ADGRL1: variants seen among roughly 807,000 people sequenced by gnomAD.
ADGRL1 encodes CIRL-1.
ADGRL1 carries 31 observed loss-of-function variants against 148.9 expected under a neutral mutation model. The observed-to-expected ratio is 0.21, with a 90% CI of 0.16 to 0.28. The LOEUF (loss-of-function observed/expected upper bound fraction) is 0.28, where lower values mean the gene tolerates loss of function less well. Ranked by LOEUF, ADGRL1 falls within the 10% of genes least tolerant of loss-of-function variation. The pLI, the probability that ADGRL1 is intolerant of heterozygous loss-of-function variation, is 1.00. For missense variants in ADGRL1, 1,521 were observed against 2,058.8 expected (o/e 0.74, Z 5.05); for synonymous variants, 937 against 900.3 (o/e 1.04, Z -0.73).
Position 14,160,175 on chromosome 19 carries a change from C to T in ADGRL1, c.1737G>A (p.Leu579=). ...VKLMEQLLDI[L]DAQLQALRPI... ...GCCGCAGGGCCTGCAGCTGGGCATC[C>T]AGGATGTCCAGCAGCTGCTCCATCA... is the stretch of plus-strand genomic sequence containing the variant. Residue 579 remains leucine (L), a synonymous_variant, in exon 8 of 23, where the codon CTG becomes CTA. Coordinates refer to ENST00000361434, the MANE Select transcript of ADGRL1 (RefSeq NM_014921.5). This position sits in a 1 kb window ranked among gnomAD's most constrained non-coding sequence, Gnocchi z 5.9. 6.3e-7 allele frequency: 1 copy of T among 1,597,740 alleles called. No homozygotes were observed. Among genetic ancestry groups the T allele is most frequent in the Non-Finnish European group, 8.6e-7 (1 of 1,166,740 alleles).
chr19:14,162,996 C>T lies in ADGRL1; in HGVS notation c.805G>A (p.Glu269Lys), dbSNP rs1447944003. ...GCGTAGATGACCCACAGCCCGTTCT[C>T]GTCCACCGCCAGGTCAATGTCGGTC... ...GKTDIDLAVD[E>K]NGLWVIYATE... Residue 269 changes from glutamate (E) to lysine (K), a missense_variant, in exon 5 of 23, where the codon GAG becomes AAG. Transcript: ENST00000361434. The surrounding 1 kb of genome is among the most constrained non-coding windows in gnomAD (Gnocchi z 5.4). 1.2e-6 allele frequency: 2 copies of T among 1,614,028 alleles called. No homozygotes were observed. The highest frequency in any genetic ancestry group is 1.7e-5 in the Admixed American group (1 of 60,018).
intron 4 of ADGRL1, among the ~76,000 whole-genome samples, chr19:14,166,258 AT>A (rs1199526930): frequency 9.7e-6 from 1 of 102,890 alleles, no homozygotes; most frequent in Admixed American, 1.0e-4. Flanking sequence ...TCATTTTTTC[AT>A]TTTTTGGCAG....
Position 14,195,380 on chromosome 19 carries a change from G to T in ADGRL1, c.-96+10605C>A, listed in dbSNP as rs930559668. 3.3e-5 allele frequency among the ~76,000 whole-genome samples: 5 copies of T among 151,710 alleles called. No homozygotes were observed. The South Asian group carries it at 1.0e-3, about 31-fold the overall frequency. ...ACAGGAGGAGAAGCGGCTGCTGGGG[G>T]AGAGGGGGCGCCTCTAGCCTGCCCT... is the stretch of plus-strand genomic sequence containing the variant. On this transcript the variant is annotated intron_variant, in intron 1 of 22. Coordinates refer to ENST00000361434, the MANE Select transcript of ADGRL1 (RefSeq NM_014921.5).
At chr19:14,187,683 C>T (rs1971671761) in intron 1 of ADGRL1, among the ~76,000 whole-genome samples, 1 of 151,896 alleles carries the variant, frequency 6.6e-6, no homozygotes, top group African/African-American at 2.4e-5. Flanking sequence ...GCCACCAGCC[C>T]CTATCCGCAT....
At chr19:14,151,665 C>A (rs772191703) in intron 22 of ADGRL1, 50 bp from the exon 23 acceptor site, 1 of 1,520,424 alleles carries the variant, frequency 6.6e-7, no homozygotes, top group Non-Finnish European at 8.8e-7. Context: ...CCTGGATGCA[C>A]TAGGGGACAG....
At chr19:14,193,891 G>A (rs1450295349) in intron 1 of ADGRL1, among the ~76,000 whole-genome samples, 1 of 152,192 alleles carries the variant, frequency 6.6e-6, no homozygotes, top group African/African-American at 2.4e-5. Flanking sequence ...CTCCCAGAAG[G>A]AACCAACCCT....
rs1227353835 is a variant in ADGRL1 at position 14,170,673 on chromosome 19, A to G, written c.394+9T>C. Reference sequence around the variant, plus strand: ...GGCCCGCATCCGCACAAGGAACAAGATGACTCACTGTAGGGGACACAGTCG... The same window carrying G: ...GGCCCGCATCCGCACAAGGAACAAGGTGACTCACTGTAGGGGACACAGTCG... On this transcript the variant is annotated intron_variant, in intron 4 of 22. Transcript: ENST00000361434. 2.6e-6 allele frequency: 4 copies of G among 1,561,530 alleles called. No homozygotes were observed. Among genetic ancestry groups the G allele is most frequent in the African/African-American group, 1.4e-5 (1 of 73,802 alleles).
chr19:14,203,723 C>A (rs1361657578), intron 1 of ADGRL1, among the ~76,000 whole-genome samples: 1 of 152,222 alleles, frequency 6.6e-6, no homozygotes, highest in Non-Finnish European at 1.5e-5. Context: ...GCAGGCTCCA[C>A]AGCCCAGGTG....
chr19:14,171,540 C>T (rs2046510168), intron 3 of ADGRL1, among the ~76,000 whole-genome samples: 1 of 152,172 alleles, frequency 6.6e-6, no homozygotes, highest in South Asian at 2.1e-4. Context: ...CTTTAAAGCC[C>T]CTGCGCTGTT....
At chr19:14,200,756 C>T (rs999631418) in intron 1 of ADGRL1, among the ~76,000 whole-genome samples, 3 of 152,152 alleles carry the variant, frequency 2.0e-5, no homozygotes, top group African/African-American at 7.2e-5. Context: ...GGACGACAGG[C>T]GTGCGGCACC....
At chr19:14,151,744 C>T (rs1968221048) in intron 22 of ADGRL1, 129 bp from the exon 23 acceptor site, 2 of 871,958 alleles carry the variant, frequency 2.3e-6, no homozygotes, top group South Asian at 3.3e-5. Context: ...TTCCCCCTGC[C>T]CCCTGGATCT....
At chr19:14,171,440 G>A (rs1311089464) in intron 3 of ADGRL1, among the ~76,000 whole-genome samples, 1 of 152,122 alleles carries the variant, frequency 6.6e-6, no homozygotes, top group Admixed American at 6.5e-5. Flanking sequence ...GGAGTCACCC[G>A]CTAAACAGTG....
Position 14,151,203 on chromosome 19 carries a change from C to A in ADGRL1, c.4080G>T (p.Thr1360=). The change falls in exon 23 of 23, where the codon ACG becomes ACT. Residue 1360 remains threonine (T), a synonymous_variant. Transcript: ENST00000361434. ...QSDLDESESC[T]AEDGATSRPL... Reference sequence around the variant, plus strand: ...GCCGGCTGGTGGCGCCGTCCTCGGCCGTGCAGCTCTCCGACTCGTCCAGAT... The same window carrying A: ...GCCGGCTGGTGGCGCCGTCCTCGGCAGTGCAGCTCTCCGACTCGTCCAGAT... The A allele has an allele frequency of 1.2e-6, 2 of 1,611,458 alleles. No individual in the cohort carries two copies.
intron 1 of ADGRL1, among the ~76,000 whole-genome samples, chr19:14,203,411 C>T (rs537374470): frequency 6.6e-6 from 1 of 151,546 alleles, no homozygotes; most frequent in Non-Finnish European, 1.5e-5. Context: ...CTGCCACCCT[C>T]CCCACCGAGA....
chr19:14,191,185 C>G (rs1032005570), intron 1 of ADGRL1: 2 of 456,596 alleles, frequency 4.4e-6, no homozygotes, highest in South Asian at 1.5e-5. Flanking sequence ...TCCAGCCATG[C>G]GGGTTCCCAC....
chr19:14,170,803 A>G lies in ADGRL1; in HGVS notation c.285-12T>C. ...TGCGGTTGTTACACCTTCAGAGGAG[A>G]AACAGGGCATTGGGAAAGAAACACA... On this transcript the variant is annotated splice_polypyrimidine_tract_variant and intron_variant, in intron 3 of 22. Transcript: ENST00000361434. The G allele has an allele frequency of 1.4e-6, 2 of 1,420,534 alleles. No homozygotes were observed. Among genetic ancestry groups the G allele is most frequent in the Non-Finnish European group, 2.0e-6 (2 of 1,006,304 alleles). 88.0% of individuals were successfully genotyped at this position (1,420,534 alleles called of 1,614,324 possible).
At chr19:14,171,136 C>T (rs901058167) in intron 3 of ADGRL1, 11 of 209,978 alleles carry the variant, frequency 5.2e-5, no homozygotes, top group African/African-American at 2.1e-4. Context: ...CCATGTACGG[C>T]GTGCCTGCTT....
intron 1 of ADGRL1, chr19:14,191,297 G>A (rs1461352122): frequency 2.2e-6 from 1 of 456,526 alleles, no homozygotes; most frequent in African/African-American, 2.0e-5. Flanking sequence ...ACAGTGCCCT[G>A]CAGTCACCGC....
rs1347744633 is a variant in ADGRL1 at position 14,152,342 on chromosome 19, T to C, written c.3616A>G (p.Asn1206Asp). Reference sequence around the variant, plus strand: ...TTGAAGACAGGGGGCGAGGAGGGATTGAAGCCCACTGACTCGGCGATGAGG... The same window carrying C: ...TTGAAGACAGGGGGCGAGGAGGGATCGAAGCCCACTGACTCGGCGATGAGG... ...NTLIAESVGFNPSSPPVFNSP... is the reference protein window; with the variant it reads ...NTLIAESVGFDPSSPPVFNSP... Residue 1206 changes from asparagine (N) to aspartate (D), a missense_variant, in exon 21 of 23, where the codon AAT becomes GAT. Transcript: ENST00000361434. The surrounding 1 kb of genome is among the most constrained non-coding windows in gnomAD (Gnocchi z 6.1). 1 of 1,597,980 alleles carries C rather than the reference T, an allele frequency of 6.3e-7. No individual in the cohort carries two copies.
Sources: allele counts gnomAD v4.1 joint callset (sites outside exome capture counted in the v4.1 genomes callset), GRCh38; gene constraint gnomAD v4.1.1; non-coding constraint Gnocchi (gnomAD v3.1); transcripts MANE v1.5; gene names NCBI Gene and HGNC (gene_info 2026-07-23, HGNC 2026-07-21).